MTMR4: variants seen among roughly 807,000 people sequenced by gnomAD.
MTMR4 encodes the protein phosphatidylinositol-3,5-bisphosphate 3-phosphatase MTMR4.
Under a neutral mutation model 125.5 loss-of-function variants are expected in MTMR4, and 30 were observed. That is an observed-to-expected ratio of 0.24 (90% CI 0.18 to 0.32). The LOEUF (loss-of-function observed/expected upper bound fraction) is 0.32. Among genes scored for constraint, MTMR4 ranks in the 10% least tolerant of loss-of-function variants. The pLI, the probability that MTMR4 is intolerant of heterozygous loss-of-function variation, is 1.00. For synonymous variants in MTMR4, 498 were observed against 564.5 expected, an observed-to-expected ratio of 0.88 and a Z score of 1.67; for missense variants, 1,039 against 1,511.5, an observed-to-expected ratio of 0.69 and a Z score of 5.18.
Position 58,504,901 on chromosome 17 carries a change from C to A in MTMR4, c.1219G>T (p.Ala407Ser). The change falls in exon 11 of 18, where the codon GCT becomes TCT. Residue 407 changes from alanine (A) to serine (S), a missense_variant. Ala to Ser is a moderately conservative substitution (Grantham distance 99). Around this residue, in one of 6 missense-constraint regions of MTMR4, gnomAD observed 107 missense variants for 267.4 expected, o/e 0.40. Transcript: ENST00000682306. This position sits in a 1 kb window ranked among gnomAD's most constrained non-coding sequence, Gnocchi z 7.1. ...SVMLKAAVLV[A>S]NTVDREGRPV... ...CGGCCTTCCCGGTCTACTGTATTAG[C>A]CACCAGCACAGCTGCTTTTAGCATC... is the stretch of plus-strand genomic sequence containing the variant. 1.2e-6 allele frequency: 2 copies of A among 1,614,236 alleles called. No individual in the cohort carries two copies. The highest frequency in any genetic ancestry group is 1.7e-6 in the Non-Finnish European group (2 of 1,180,048).
In MTMR4 at chr17:58,508,124, G is replaced by C; in HGVS notation, c.707+37C>G. 1 of 1,520,786 alleles carries C rather than the reference G, an allele frequency of 6.6e-7. No homozygotes were observed. The highest frequency in any genetic ancestry group is 9.1e-7 in the Non-Finnish European group (1 of 1,099,160). The allele number at this position is 1,520,786 out of a possible 1,614,324, so 94.2% of individuals were successfully genotyped here. On this transcript the variant is annotated intron_variant, in intron 7 of 17. Coordinates refer to ENST00000682306, the MANE Select transcript of MTMR4 (RefSeq NM_001378067.1). The surrounding 1 kb of genome is among the most constrained non-coding windows in gnomAD (Gnocchi z 4.8). ...TTTTGACTCTTTCCTTGTTGCATAA[G>C]AAATGGCCTCCCTACTTCCCAGCCC... is the stretch of plus-strand genomic sequence containing the variant.
intron 3 of MTMR4, among the ~76,000 whole-genome samples, chr17:58,511,897 G>T (rs1471352471): frequency 6.6e-6 from 1 of 152,150 alleles, no homozygotes; most frequent in Non-Finnish European, 1.5e-5. Flanking sequence ...AAAGAGAGAA[G>T]AGGAGAAAGG....
rs147907628 is a variant in MTMR4 at position 58,495,366 on chromosome 17, G to A, written c.2818C>T (p.Arg940Trp). 9.2e-5 allele frequency: 149 copies of A among 1,614,202 alleles called. No homozygotes were observed. Among genetic ancestry groups the A allele is most frequent in the Non-Finnish European group, 1.1e-4 (131 of 1,180,040 alleles). ...SFPSGEATPR[R>W]LLSYGCCSKR... ...CTACAACAGCCATAGGAAAGCAGCC[G>A]CCGAGGGGTGGCCTCCCCACTTGGG... The change falls in exon 15 of 18, where the codon CGG (arginine) becomes TGG (tryptophan). Residue 940 changes from arginine to tryptophan, a missense_variant. Arg to Trp is a moderately radical substitution (Grantham distance 101, BLOSUM62 -3). This residue lies in a region of MTMR4 where 619 missense variants were observed against 714.5 expected (regional missense o/e 0.87). Coordinates refer to ENST00000682306, the MANE Select transcript of MTMR4 (RefSeq NM_001378067.1).
chr17:58,503,644 C>T lies in MTMR4; in HGVS notation c.1853+100G>A, dbSNP rs889747174. 1.1e-5 allele frequency: 16 copies of T among 1,410,842 alleles called. No individual in the cohort carries two copies. In the African/African-American group the frequency reaches 1.6e-4, roughly 14 times the overall value. 87.4% of individuals were successfully genotyped at this position (1,410,842 alleles called of 1,614,324 possible). A position where few individuals can be genotyped will look rare whatever the true frequency, so the allele number is the denominator to read the frequency against. ...CACCCTGGGCGACAAAGTGAGATTC[C>T]GTCTCAAAAAAAAGAAAGAAAGAGA... On this transcript the variant is annotated intron_variant, in intron 14 of 17. Transcript: ENST00000682306.
chr17:58,505,606 G>T (rs761849125), intron 9 of MTMR4, 23 bp from the exon 10 acceptor site: 3 of 1,579,674 alleles, frequency 1.9e-6, no homozygotes, highest in Non-Finnish European at 2.6e-6. Flanking sequence ...CAGGAGAGTG[G>T]GACATAAAAG....
rs752631289 is a variant in MTMR4, at chr17:58,503,886, C to T, written c.1711G>A (p.Val571Ile). 5.0e-6 allele frequency: 8 copies of T among 1,613,726 alleles called. No homozygotes were observed. The highest frequency in any genetic ancestry group is 6.8e-6 in the Non-Finnish European group (8 of 1,179,900). Residue 571 changes from valine to isoleucine, a missense_variant, in exon 14 of 18, where the codon GTT becomes ATT. Val to Ile is a conservative substitution (Grantham distance 29). Around this residue, in one of 6 missense-constraint regions of MTMR4, gnomAD observed 619 missense variants for 714.5 expected, o/e 0.87. Transcript: ENST00000682306. ...AGGTGCAGGGCCCGGACATGACAAA[C>T]AGGATGCAGGACCTAGGGAAGCAGC... ...TPSSDMVLHPVCHVRALHLWT... is the reference protein window; with the variant it reads ...TPSSDMVLHPICHVRALHLWT...
In MTMR4 at chr17:58,508,823, A is replaced by G. The variant is rs771912668; in HGVS notation, c.354T>C (p.Phe118=). ...GTGAGAGCCACTCTTGGCACTGCTT[A>G]AAAGTGGAGAAGTGGCACCTGCCAG... ...SKVVRCHFST[F]KQCQEWLSRL... is the part of the protein sequence containing the mutation. The change falls in exon 5 of 18, where the codon TTT becomes TTC. Residue 118 remains phenylalanine, a synonymous_variant. Transcript: ENST00000682306. This position sits in a 1 kb window ranked among gnomAD's most constrained non-coding sequence, Gnocchi z 4.8. The G allele has an allele frequency of 6.2e-7, 1 of 1,613,118 alleles. No individual in the cohort carries two copies. Among genetic ancestry groups the G allele is most frequent in the South Asian group, 1.1e-5 (1 of 91,080 alleles).
chr17:58,514,650 G>T, upstream of MTMR4: 5 of 985,260 alleles, frequency 5.1e-6, no homozygotes, highest in Middle Eastern at 5.2e-4. Context: ...GCCAGGCGAG[G>T]GGAGAGCCCG....
In MTMR4 at chr17:58,512,860, T is replaced by C. The variant is rs1166209995; in HGVS notation, c.127A>G (p.Asn43Asp). 4 of 1,612,916 alleles carry C rather than the reference T, an allele frequency of 2.5e-6. No homozygotes were observed. The Admixed American group carries it at 6.7e-5, about 27-fold the overall frequency. Reference sequence around the variant, plus strand: ...CCCCAACTCCTCCTTACCTGAAGATTCTCTTCCTCCTTCACTAGTTCCTTG... The same window carrying C: ...CCCCAACTCCTCCTTACCTGAAGATCCTCTTCCTCCTTCACTAGTTCCTTG... ...PPKELVKEEE[N>D]LQVPFTVLQG... The change falls in exon 2 of 18, where the codon AAT becomes GAT. Residue 43 changes from asparagine (N) to aspartate (D), a missense_variant. Transcript: ENST00000682306. The surrounding 1 kb of genome is among the most constrained non-coding windows in gnomAD (Gnocchi z 4.1).
chr17:58,498,819 T>C (rs1207984777), intron 14 of MTMR4, among the ~76,000 whole-genome samples: 1 of 152,226 alleles, frequency 6.6e-6, no homozygotes, highest in Non-Finnish European at 1.5e-5. Flanking sequence ...TTTCAATGTC[T>C]ATTAGTGGTA....
Position 58,512,134 on chromosome 17 carries a change from C to T in MTMR4, c.252+256G>A, listed in dbSNP as rs988427619. 6.6e-5 allele frequency among the ~76,000 whole-genome samples: 10 copies of T among 152,102 alleles called. No individual in the cohort carries two copies. The highest frequency in any genetic ancestry group is 3.9e-4 in the Admixed American group (6 of 15,282). On this transcript the variant is annotated intron_variant, in intron 3 of 17. Transcript: ENST00000682306. The surrounding 1 kb of genome is among the most constrained non-coding windows in gnomAD (Gnocchi z 4.1). ...CCGAGTAGGTGGGATTACAGGTGCG[C>T]ACCACCAAGCCCGACTAATTTTTGT...
intron 9 of MTMR4, 21 bp from the exon 10 acceptor site, chr17:58,505,604 T>C (rs1445638837): frequency 1.9e-6 from 3 of 1,589,474 alleles, no homozygotes; most frequent in South Asian, 2.2e-5. Flanking sequence ...GACAGGAGAG[T>C]GGGACATAAA....
chr17:58,508,151 A>C lies in MTMR4; in HGVS notation c.707+10T>G, dbSNP rs778395246. ...AATGGCCTCCCTACTTCCCAGCCCC[A>C]CTGCCTCACCTATACACAACCACGG... On this transcript the variant is annotated intron_variant, in intron 7 of 17. Transcript: ENST00000682306. The surrounding 1 kb of genome is among the most constrained non-coding windows in gnomAD (Gnocchi z 4.8). 2.5e-6 allele frequency: 4 copies of C among 1,607,662 alleles called. No homozygotes were observed. The South Asian group carries it at 4.4e-5, about 18-fold the overall frequency.
Position 58,491,620 on chromosome 17 carries a change from T to A in MTMR4, c.*43A>T. On this transcript the variant is annotated 3_prime_UTR_variant, in exon 18 of 18. Coordinates refer to ENST00000682306, the MANE Select transcript of MTMR4 (RefSeq NM_001378067.1). Reference sequence around the variant, plus strand: ...TCCAAACTACAACTGAAGAAGATCCTCCCTTCAAACCTGCTAAAATTGGAC... The same window carrying A: ...TCCAAACTACAACTGAAGAAGATCCACCCTTCAAACCTGCTAAAATTGGAC... 1 of 1,576,466 alleles carries A rather than the reference T, an allele frequency of 6.3e-7. No homozygotes were observed. Among genetic ancestry groups the A allele is most frequent in the Non-Finnish European group, 8.7e-7 (1 of 1,153,604 alleles).
Position 58,506,798 on chromosome 17 carries a change from T to G in MTMR4, c.978A>C (p.Arg326=). The G allele has an allele frequency of 1.2e-6, 2 of 1,613,890 alleles. No homozygotes were observed. The highest frequency in any genetic ancestry group is 1.7e-6 in the Non-Finnish European group (2 of 1,179,982). The change falls in exon 9 of 18, where the codon CGA becomes CGC. Residue 326 remains arginine, a synonymous_variant. Transcript: ENST00000682306. ...GGTTGGCCACTGCTGCCGTGTAGGATCGCGCATCCAGGATCAGCAGCTTTT... is the reference window on the plus strand; with the variant it reads ...GGTTGGCCACTGCTGCCGTGTAGGAGCGCGCATCCAGGATCAGCAGCTTTT... ...APQKLLILDA[R]SYTAAVANRA...
At chr17:58,514,983 A>T (rs958666599), upstream of MTMR4, 4 of 981,038 alleles carry the variant, frequency 4.1e-6, no homozygotes, top group African/African-American at 1.8e-5. Context: ...CTCCAAAACC[A>T]CTACCCACCA....
intron 14 of MTMR4, 40 bp from the exon 15 acceptor site, chr17:58,496,370 G>T: frequency 5.3e-6 from 8 of 1,507,142 alleles, no homozygotes; most frequent in Non-Finnish European, 6.3e-6. Flanking sequence ...CAGGAGATGG[G>T]CACTTGCAAT....
chr17:58,512,575 A>T lies in MTMR4; in HGVS notation c.136-69T>A. On this transcript the variant is annotated intron_variant, in intron 2 of 17. Coordinates refer to ENST00000682306, the MANE Select transcript of MTMR4 (RefSeq NM_001378067.1). The surrounding 1 kb of genome is among the most constrained non-coding windows in gnomAD (Gnocchi z 4.1). Reference sequence around the variant, plus strand: ...ACCTTATCCTCTTCTACAGCCCCTGATCTGTGGGATCCCCTCTGGAAAAGG... The same window carrying T: ...ACCTTATCCTCTTCTACAGCCCCTGTTCTGTGGGATCCCCTCTGGAAAAGG... 1 of 1,271,402 alleles carries T rather than the reference A, an allele frequency of 7.9e-7. No individual in the cohort carries two copies. Among genetic ancestry groups the T allele is most frequent in the Non-Finnish European group, 1.1e-6 (1 of 874,210 alleles). The allele number at this position is 1,271,402 out of a possible 1,614,324, so 78.8% of individuals were successfully genotyped here.
chr17:58,505,664 T>G, intron 9 of MTMR4, 81 bp from the exon 10 acceptor site: 1 of 912,254 alleles, frequency 1.1e-6, no homozygotes. Context: ...TCCCAGCACT[T>G]TGGGAGGCTG....
Sources: allele counts gnomAD v4.1 joint callset (sites outside exome capture counted in the v4.1 genomes callset), GRCh38; gene constraint gnomAD v4.1.1; regional missense constraint gnomAD v4.1.1; non-coding constraint Gnocchi (gnomAD v3.1); transcripts MANE v1.5; gene names NCBI Gene and HGNC (gene_info 2026-07-23, HGNC 2026-07-21).